The following TMEM163 variants were observed in gnomAD, a reference collection of about 807,000 sequenced individuals.
TMEM163 encodes the protein transmembrane protein 163.
A neutral mutation model predicts 29.3 loss-of-function variants in TMEM163; 17 were observed. The observed-to-expected ratio is 0.58, with a 90% CI of 0.40 to 0.87. TMEM163 has a LOEUF of 0.87. TMEM163 is among the 40% of genes least tolerant of loss of function. TMEM163 has a pLI of 0.00. For missense variants in TMEM163, 303 were observed against 381.5 expected (o/e 0.79, Z 1.71); for synonymous variants, 157 against 160.6 (o/e 0.98, Z 0.17).
At chr2:134,510,403 G>A (rs1202884378) in intron 4 of TMEM163, among the ~76,000 whole-genome samples, 1 of 152,282 alleles carries the variant, frequency 6.6e-6, no homozygotes, top group Non-Finnish European at 1.5e-5. Flanking sequence ...GACCCATGAT[G>A]TGATCTGGGC....
At chr2:134,648,632 T>C (rs1232784203) in intron 2 of TMEM163, among the ~76,000 whole-genome samples, 1 of 152,188 alleles carries the variant, frequency 6.6e-6, no homozygotes, top group Non-Finnish European at 1.5e-5. Flanking sequence ...AAGATTGTTG[T>C]ATTTACTTTT....
intron 2 of TMEM163, among the ~76,000 whole-genome samples, chr2:134,656,292 G>C (rs1007342287): frequency 4.6e-5 from 7 of 151,444 alleles, no homozygotes; most frequent in Non-Finnish European, 7.4e-5. Flanking sequence ...CAATATTCGG[G>C]TGGGAGTGAC....
At chr2:134,513,313 T>C (rs1459978235) in intron 4 of TMEM163, among the ~76,000 whole-genome samples, 1 of 152,070 alleles carries the variant, frequency 6.6e-6, no homozygotes, top group African/African-American at 2.4e-5. Context: ...AGTGGTGGTG[T>C]TGAGAAGGGA....
chr2:134,632,800 T>C lies in TMEM163; in HGVS notation c.322+80400A>G, dbSNP rs536917199. On this transcript the variant is annotated intron_variant, in intron 2 of 7. Transcript: ENST00000281924. ...CTCTGTCACCCAGGCTGGAGGGCAA[T>C]GGCGGGATCTCGGCTCACTGCAAGC... is the stretch of plus-strand genomic sequence containing the variant. Among the ~76,000 whole-genome samples, 504 of 151,774 alleles carry C rather than the reference T, an allele frequency of 3.3e-3. 1 individual carries two copies. Among genetic ancestry groups the C allele is most frequent in the African/African-American group, 9.6e-3 (399 of 41,390 alleles).
At chr2:134,706,699 CAAGA>C in intron 2 of TMEM163, among the ~76,000 whole-genome samples, 1 of 152,036 alleles carries the variant, frequency 6.6e-6, no homozygotes, top group East Asian at 1.9e-4. Context: ...GGGTTTGGGG[CAAGA>C]AACAGGACAC....
At chr2:134,665,982 T>C (rs1051248699) in intron 2 of TMEM163, among the ~76,000 whole-genome samples, 4 of 152,238 alleles carry the variant, frequency 2.6e-5, no homozygotes, top group Non-Finnish European at 5.9e-5. Flanking sequence ...CAGAAGCCTC[T>C]TTCTTAATGA....
At chr2:134,609,092 G>A (rs1414566159) in intron 2 of TMEM163, among the ~76,000 whole-genome samples, 9 of 66,978 alleles carry the variant, frequency 1.3e-4, no homozygotes, top group African/African-American at 2.9e-4. Context: ...TGGTGAAAAG[G>A]AGGACAGACC....
At chr2:134,717,009 T>C (rs944132065) in intron 1 of TMEM163, among the ~76,000 whole-genome samples, 1 of 152,220 alleles carries the variant, frequency 6.6e-6, no homozygotes, top group Non-Finnish European at 1.5e-5. Flanking sequence ...CATGCTATCA[T>C]ATAATGGAAA....
chr2:134,714,938 C>G (rs1685005516), intron 1 of TMEM163, among the ~76,000 whole-genome samples: 1 of 152,186 alleles, frequency 6.6e-6, no homozygotes, highest in African/African-American at 2.4e-5. Flanking sequence ...ATAGCCCTAT[C>G]CTAGAATGAG....
At chr2:134,710,745 T>C (rs953746319) in intron 2 of TMEM163, among the ~76,000 whole-genome samples, 5 of 151,932 alleles carry the variant, frequency 3.3e-5, no homozygotes, top group Admixed American at 3.3e-4. Context: ...TTTTTCACCA[T>C]CCAACAGTAG....
At chr2:134,551,882 A>C (rs1680937074) in intron 3 of TMEM163, among the ~76,000 whole-genome samples, 166 bp downstream of exon 3, 1 of 152,204 alleles carries the variant, frequency 6.6e-6, no homozygotes, top group African/African-American at 2.4e-5. Context: ...TTGCCGCTTA[A>C]TTCTGTTAAA....
At chr2:134,574,753 G>A (rs1681509800) in intron 2 of TMEM163, among the ~76,000 whole-genome samples, 1 of 152,144 alleles carries the variant, frequency 6.6e-6, no homozygotes, top group Non-Finnish European at 1.5e-5. Flanking sequence ...ATGCTTTCAT[G>A]TTTCCCAGCT....
At chr2:134,472,664 G>GA (rs966094602) in intron 5 of TMEM163, among the ~76,000 whole-genome samples, 20 of 152,192 alleles carry the variant, frequency 1.3e-4, no homozygotes, top group African/African-American at 4.8e-4. Context: ...TTACAGCAAT[G>GA]AAAACACTTT....
chr2:134,473,019 A>G (rs1001172274), intron 5 of TMEM163, among the ~76,000 whole-genome samples: 1 of 152,228 alleles, frequency 6.6e-6, no homozygotes, highest in Non-Finnish European at 1.5e-5. Context: ...GGAAATTACA[A>G]TATATTTTGA....
intron 2 of TMEM163, among the ~76,000 whole-genome samples, chr2:134,675,619 C>T (rs991668032): frequency 3.1e-4 from 47 of 152,022 alleles, no homozygotes; most frequent in Admixed American, 1.6e-3. Context: ...GATATCTAAG[C>T]CTAAATCAGA....
Position 134,579,299 on chromosome 2 carries a change from G to A in TMEM163, c.323-27208C>T, listed in dbSNP as rs376700846. Among the ~76,000 whole-genome samples the A allele has an allele frequency of 2.8e-4, 42 of 152,244 alleles. 1 individual carries two copies. In the South Asian group the frequency reaches 6.8e-3, roughly 25 times the overall value. Reference sequence around the variant, plus strand: ...GGCACAGAATTCTTTCACGAAGTTCGTTTGTTTTTCTCACGCTACAAAATA... The same window carrying A: ...GGCACAGAATTCTTTCACGAAGTTCATTTGTTTTTCTCACGCTACAAAATA... On this transcript the variant is annotated intron_variant, in intron 2 of 7. Transcript: ENST00000281924.
intron 2 of TMEM163, among the ~76,000 whole-genome samples, chr2:134,701,062 C>T (rs564806237): frequency 7.2e-4 from 110 of 151,848 alleles, no homozygotes; most frequent in Non-Finnish European, 1.3e-3. Context: ...CATGGTCTAA[C>T]CAGCAGTTGG....
intron 2 of TMEM163, among the ~76,000 whole-genome samples, chr2:134,612,529 G>C (rs1385846665): frequency 6.3e-5 from 6 of 94,510 alleles, no homozygotes; most frequent in African/African-American, 2.5e-4. Flanking sequence ...GAACACTAAT[G>C]AAGGTTTGCC....
intron 4 of TMEM163, among the ~76,000 whole-genome samples, chr2:134,528,980 G>C (rs531988684): frequency 2.6e-5 from 4 of 152,224 alleles, no homozygotes; most frequent in African/African-American, 9.6e-5. Flanking sequence ...TTTAGAAAGT[G>C]GGGGGAAAAG....
Sources: allele counts gnomAD v4.1 joint callset (sites outside exome capture counted in the v4.1 genomes callset), GRCh38; gene constraint gnomAD v4.1.1; transcripts MANE v1.5; gene names NCBI Gene and HGNC (gene_info 2026-07-23, HGNC 2026-07-21).